Variants in LAMC3 observed in about 807,000 individuals in gnomAD.
The protein encoded by LAMC3 is laminin subunit gamma-3.
In LAMC3, 128 loss-of-function variants were observed where a neutral mutation model predicts 173.8. The observed-to-expected ratio is 0.74, with a 90% CI of 0.64 to 0.85. The LOEUF (loss-of-function observed/expected upper bound fraction) is 0.85, where lower values mean the gene tolerates loss of function less well. Ranked by LOEUF, LAMC3 falls within the 40% of genes least tolerant of loss-of-function variation. The probability of loss-of-function intolerance (pLI) is 0.00; values close to 1 mark genes in which losing one functional copy is unlikely to be tolerated. For missense variants in LAMC3, 2,022 were observed against 2,156.0 expected, an observed-to-expected ratio of 0.94 and a Z score of 1.23; for synonymous variants, 897 against 909.1, an observed-to-expected ratio of 0.99 and a Z score of 0.24.
At chr9:131,032,713 G>A (rs1285316622) in intron 3 of LAMC3, among the ~76,000 whole-genome samples, 1 of 151,968 alleles carries the variant, frequency 6.6e-6, no homozygotes, top group African/African-American at 2.4e-5. Flanking sequence ...TTGTTGCCCA[G>A]GCTGGAGTGC....
At chr9:131,013,211 C>T (rs1180390789) in intron 1 of LAMC3, among the ~76,000 whole-genome samples, 3 of 152,284 alleles carry the variant, frequency 2.0e-5, no homozygotes, top group South Asian at 2.1e-4. Flanking sequence ...TGGTGGCCCC[C>T]GGGACCCTCC....
chr9:131,039,856 G>A (rs147059922), intron 6 of LAMC3, among the ~76,000 whole-genome samples: 326 of 152,030 alleles, frequency 2.1e-3, no homozygotes, highest in African/African-American at 6.3e-3. Context: ...TGGGTGCACC[G>A]AGTTTGGTAC....
intron 4 of LAMC3, among the ~76,000 whole-genome samples, chr9:131,038,352 C>T (rs999097388): frequency 6.6e-6 from 1 of 152,226 alleles, no homozygotes; most frequent in Non-Finnish European, 1.5e-5. Context: ...TTCATGGATC[C>T]ACCCCTGAGC....
Position 131,036,266 on chromosome 9 carries a change from T to G in LAMC3, c.910T>G (p.Cys304Gly). ...CACCACCGGCACAGACTGTGAGCGC[T>G]GCCTGCCCTTCTTCCAGGACCGCCC... ...HNTTGTDCERCLPFFQDRPWA... is the reference protein window; with the variant it reads ...HNTTGTDCERGLPFFQDRPWA... The change falls in exon 4 of 28, where the codon TGC becomes GGC. Residue 304 changes from cysteine (C) to glycine (G), a missense_variant. Transcript: ENST00000361069. 6.2e-7 allele frequency: 1 copy of G among 1,613,314 alleles called. No individual in the cohort carries two copies.
intron 8 of LAMC3, 107 bp downstream of exon 8, chr9:131,045,767 G>A (rs1834143724): frequency 4.3e-6 from 6 of 1,397,928 alleles, no homozygotes; most frequent in Non-Finnish European, 6.0e-6. Context: ...TTGTGGAGAG[G>A]AGCCACAGGC....
At chr9:131,056,076 G>T (rs752339131) in intron 11 of LAMC3, among the ~76,000 whole-genome samples, 1 of 152,010 alleles carries the variant, frequency 6.6e-6, no homozygotes, top group South Asian at 2.1e-4. Context: ...CACACCTTTG[G>T]TCTCAGCTAC....
At chr9:131,086,760 C>T (rs1036331827) in intron 25 of LAMC3, among the ~76,000 whole-genome samples, 16 of 151,570 alleles carry the variant, frequency 1.1e-4, no homozygotes, top group Admixed American at 4.6e-4. Context: ...CATGGTGGCT[C>T]GCACCTGTAG....
In LAMC3 at chr9:131,029,997, GTGGCACGATCT is replaced by G. The variant is rs1833797499; in HGVS notation, c.679-2043_679-2033del. Among the ~76,000 whole-genome samples, 1 of 150,666 alleles carries G rather than the reference GTGGCACGATCT, an allele frequency of 6.6e-6. No individual in the cohort carries two copies. Among genetic ancestry groups the G allele is most frequent in the Admixed American group, 6.6e-5 (1 of 15,114 alleles). Reference sequence around the variant, plus strand: ...GCTCTGTCGCCCAGGCTGGAGTGCAGTGGCACGATCTTGGCTCACCGCAACCTCTGCCTCCC... The same window carrying G: ...GCTCTGTCGCCCAGGCTGGAGTGCAGTGGCTCACCGCAACCTCTGCCTCCC... On this transcript the variant is annotated intron_variant, in intron 2 of 27. Coordinates refer to ENST00000361069, the MANE Select transcript of LAMC3 (RefSeq NM_006059.4). This position sits in a 1 kb window ranked among gnomAD's most constrained non-coding sequence, Gnocchi z 4.6.
Position 131,069,673 on chromosome 9 carries a change from C to G in LAMC3, c.2892C>G (p.Ala964=), listed in dbSNP as rs752605296. ...FFGFSIKGCR[A]CRCSPLGAAS... The stretch of plus-strand genomic sequence containing the variant: ...ACGCACTGCCCCTGGCCCCTCTAGC[C>G]TGCAGGTGCTCCCCACTGGGCGCTG... The change falls in exon 17 of 28, where the codon GCC becomes GCG. Residue 964 remains alanine (A), a splice_region_variant and synonymous_variant. Coordinates refer to ENST00000361069, the MANE Select transcript of LAMC3 (RefSeq NM_006059.4). The G allele has an allele frequency of 6.2e-7, 1 of 1,601,550 alleles. No individual in the cohort carries two copies. Among genetic ancestry groups the G allele is most frequent in the Non-Finnish European group, 8.5e-7 (1 of 1,175,614 alleles).
At chr9:131,067,724 C>T (rs1829964281) in intron 14 of LAMC3, among the ~76,000 whole-genome samples, 1 of 152,212 alleles carries the variant, frequency 6.6e-6, no homozygotes. Flanking sequence ...GAGATGCTCC[C>T]CTGGCAGTGG....
At chr9:131,081,974 G>A (rs1281889204) in intron 23 of LAMC3, 85 bp from the exon 24 acceptor site, 4 of 913,662 alleles carry the variant, frequency 4.4e-6, no homozygotes, top group South Asian at 4.1e-5. Context: ...GGGCACCCAT[G>A]TATGTGGGTT....
At chr9:131,064,423 G>C (rs528942138) in intron 13 of LAMC3, among the ~76,000 whole-genome samples, 2 of 152,252 alleles carry the variant, frequency 1.3e-5, no homozygotes, top group South Asian at 2.1e-4. Context: ...CAGCACTTTG[G>C]GAGGCTGAGG....
Position 131,045,504 on chromosome 9 carries a change from A to T in LAMC3, c.1383-20A>T, listed in dbSNP as rs755969224. On this transcript the variant is annotated intron_variant, in intron 7 of 27. Transcript: ENST00000361069. ...GCTGATTCACGTGGCCCTCGTGGGC[A>T]TGTCCTGCCTCCATTTCAGATGTCG... 1.2e-6 allele frequency: 2 copies of T among 1,612,896 alleles called. No individual in the cohort carries two copies. Among genetic ancestry groups the T allele is most frequent in the Non-Finnish European group, 1.7e-6 (2 of 1,180,032 alleles).
intron 1 of LAMC3, among the ~76,000 whole-genome samples, chr9:131,012,973 C>A (rs1833450980): frequency 6.6e-6 from 1 of 152,350 alleles, no homozygotes; most frequent in African/African-American, 2.4e-5. Flanking sequence ...TCTGGCAGCC[C>A]CAGCCCACCA....
chr9:131,050,888 C>T (rs1009309428), intron 9 of LAMC3, among the ~76,000 whole-genome samples: 1 of 152,160 alleles, frequency 6.6e-6, no homozygotes. Context: ...TGTGTGAAAC[C>T]ATCTCACGTG....
chr9:131,090,490 C>T (rs1341634505), intron 27 of LAMC3, among the ~76,000 whole-genome samples: 1 of 152,216 alleles, frequency 6.6e-6, no homozygotes, highest in Non-Finnish European at 1.5e-5. Flanking sequence ...GGCCTTGGCT[C>T]CCCTCTGCCT....
At chr9:131,021,046 G>A (rs1480954439) in intron 1 of LAMC3, 2 of 152,198 alleles carry the variant, frequency 1.3e-5, no homozygotes, top group Non-Finnish European at 1.5e-5. Flanking sequence ...GAGGATGGTA[G>A]GGGATATTTC....
chr9:131,023,283 G>A (rs1399427204), intron 1 of LAMC3, among the ~76,000 whole-genome samples: 2 of 152,152 alleles, frequency 1.3e-5, no homozygotes, highest in African/African-American at 2.4e-5. Flanking sequence ...TTTCTCTTGG[G>A]TATATGCTGA....
chr9:131,068,584 G>A (rs1829983081), intron 15 of LAMC3, among the ~76,000 whole-genome samples: 1 of 149,752 alleles, frequency 6.7e-6, no homozygotes, highest in Non-Finnish European at 1.5e-5. Context: ...GAAACACCAA[G>A]TGGAGCAAAC....
Sources: allele counts gnomAD v4.1 joint callset (sites outside exome capture counted in the v4.1 genomes callset), GRCh38; gene constraint gnomAD v4.1.1; non-coding constraint Gnocchi (gnomAD v3.1); transcripts MANE v1.5; gene names NCBI Gene and HGNC (gene_info 2026-07-23, HGNC 2026-07-21).